The following CTNND2 variants were observed in gnomAD, a reference collection of about 807,000 sequenced individuals.
CTNND2 encodes the protein catenin delta 2.
CTNND2 carries 22 observed loss-of-function variants against 144.4 expected under a neutral mutation model. The ratio of observed to expected loss-of-function variants is 0.15; its 90% CI spans 0.11 to 0.22. The LOEUF is 0.22. CTNND2 is among the 10% of genes least tolerant of loss of function. The pLI, the probability that CTNND2 is intolerant of heterozygous loss-of-function variation, is 1.00. For synonymous variants in CTNND2, 751 were observed against 695.6 expected, an observed-to-expected ratio of 1.08 and a Z score of -1.25; for missense variants, 1,353 against 1,618.8, an observed-to-expected ratio of 0.84 and a Z score of 2.82.
At chr5:11,131,526 G>T (rs780360716) in intron 12 of CTNND2, among the ~76,000 whole-genome samples, 8 of 152,206 alleles carry the variant, frequency 5.3e-5, no homozygotes, top group African/African-American at 1.9e-4. Context: ...AGTGGCTCAC[G>T]CCTGCAATCC....
intron 11 of CTNND2, among the ~76,000 whole-genome samples, chr5:11,175,373 A>T (rs1018965): frequency 6.6e-5 from 10 of 152,016 alleles, no homozygotes; most frequent in South Asian, 2.1e-4. Context: ...AATCACCCAG[A>T]GATAATGAGA....
chr5:11,146,227 C>T (rs1479524810), intron 12 of CTNND2, among the ~76,000 whole-genome samples: 4 of 152,186 alleles, frequency 2.6e-5, no homozygotes, highest in African/African-American at 9.7e-5. Flanking sequence ...TGTTTGTGTG[C>T]AATAAGAGAT....
At chr5:11,755,022 G>T (rs146222260) in intron 1 of CTNND2, among the ~76,000 whole-genome samples, 16 of 151,770 alleles carry the variant, frequency 1.1e-4, no homozygotes, top group African/African-American at 3.1e-4. Flanking sequence ...TTGTGTGGTT[G>T]CTGTATAGTG....
intron 2 of CTNND2, among the ~76,000 whole-genome samples, chr5:11,715,974 G>A (rs953510344): frequency 4.6e-5 from 7 of 152,126 alleles, no homozygotes; most frequent in Non-Finnish European, 7.3e-5. Context: ...ACTCTCTATC[G>A]TAGACAAGCA....
chr5:11,071,221 G>C (rs927047376), intron 16 of CTNND2, among the ~76,000 whole-genome samples: 1 of 152,128 alleles, frequency 6.6e-6, no homozygotes, highest in African/African-American at 2.4e-5. Flanking sequence ...GCTCTTGGGG[G>C]CCTCAATAAA....
At chr5:11,800,973 A>C (rs112709441) in intron 1 of CTNND2, among the ~76,000 whole-genome samples, 45 of 152,284 alleles carry the variant, frequency 3.0e-4, no homozygotes, top group African/African-American at 1.1e-3. Context: ...GAGTTTCACG[A>C]CTGTTTTTCA....
chr5:11,761,597 T>TC (rs1789267383), intron 1 of CTNND2, among the ~76,000 whole-genome samples: 1 of 152,206 alleles, frequency 6.6e-6, no homozygotes, highest in Admixed American at 6.6e-5. Flanking sequence ...GATTTGAATT[T>TC]ATTGTATTTA....
intron 2 of CTNND2, among the ~76,000 whole-genome samples, chr5:11,727,858 T>C (rs187946143): frequency 6.6e-6 from 1 of 152,358 alleles, no homozygotes; most frequent in East Asian, 1.9e-4. Context: ...TATCAGAAAT[T>C]ATTGTTGCAC....
chr5:11,169,889 G>C (rs1392467551), intron 11 of CTNND2, among the ~76,000 whole-genome samples: 1 of 151,626 alleles, frequency 6.6e-6, no homozygotes, highest in African/African-American at 2.4e-5. Flanking sequence ...AGAGTAAAAA[G>C]AGCAACAGCT....
At chr5:11,830,185 G>A (rs931342060) in intron 1 of CTNND2, among the ~76,000 whole-genome samples, 1 of 152,206 alleles carries the variant, frequency 6.6e-6, no homozygotes, top group Non-Finnish European at 1.5e-5. Flanking sequence ...CCTTGCCTCA[G>A]ATGAGACTTT....
intron 1 of CTNND2, among the ~76,000 whole-genome samples, chr5:11,827,366 C>T (rs1793657672): frequency 6.6e-6 from 1 of 152,018 alleles, no homozygotes; most frequent in Non-Finnish European, 1.5e-5. Context: ...GGTAAGAAAG[C>T]CAGAAAGATT....
At chr5:11,385,329 G>T in intron 6 of CTNND2, 100 bp from the exon 7 acceptor site, 1 of 807,452 alleles carries the variant, frequency 1.2e-6, no homozygotes. Context: ...CACCGGGGAT[G>T]CCGCGGGCGC....
intron 8 of CTNND2, among the ~76,000 whole-genome samples, chr5:11,358,494 CTTA>C (rs1339827085): frequency 2.0e-5 from 3 of 152,126 alleles, no homozygotes; most frequent in African/African-American, 7.2e-5. Flanking sequence ...TATAGAGAAT[CTTA>C]TTTGACTTGC....
chr5:11,254,193 C>G (rs907533696), intron 9 of CTNND2, among the ~76,000 whole-genome samples: 6 of 152,136 alleles, frequency 3.9e-5, no homozygotes, highest in African/African-American at 1.4e-4. Flanking sequence ...CATTAGTAGT[C>G]AATCCACTTT....
At chr5:11,015,516 C>T (rs970110055) in intron 18 of CTNND2, among the ~76,000 whole-genome samples, 1 of 152,152 alleles carries the variant, frequency 6.6e-6, no homozygotes, top group African/African-American at 2.4e-5. Flanking sequence ...CCATTAAATT[C>T]CTGTCAACAC....
intron 3 of CTNND2, among the ~76,000 whole-genome samples, chr5:11,556,713 C>T (rs1776264680): frequency 1.3e-5 from 2 of 151,462 alleles, no homozygotes; most frequent in South Asian, 2.1e-4. Flanking sequence ...TCCTTTTGCC[C>T]CCTAATATCC....
At chr5:11,248,836 G>C (rs977047695) in intron 9 of CTNND2, among the ~76,000 whole-genome samples, 2 of 152,144 alleles carry the variant, frequency 1.3e-5, no homozygotes, top group Non-Finnish European at 2.9e-5. Flanking sequence ...ACGGTTTACC[G>C]GAGTCTAGTC....
intron 9 of CTNND2, among the ~76,000 whole-genome samples, chr5:11,244,695 T>C (rs1161376729): frequency 1.3e-5 from 2 of 152,216 alleles, no homozygotes; most frequent in Non-Finnish European, 2.9e-5. Flanking sequence ...TATACCATTT[T>C]TAAGGAAGAA....
At chr5:11,361,243 A>C (rs1444268501) in intron 8 of CTNND2, among the ~76,000 whole-genome samples, 2 of 152,068 alleles carry the variant, frequency 1.3e-5, no homozygotes, top group Non-Finnish European at 2.9e-5. Context: ...CTGGTCTCAA[A>C]CTCCTGACCT....
Sources: gnomAD v4.1 joint callset for allele counts (sites outside exome capture counted in the v4.1 genomes callset) on GRCh38, gnomAD v4.1.1 for gene constraint, MANE v1.5 for transcripts, NCBI Gene and HGNC (gene_info 2026-07-23, HGNC 2026-07-21) for gene names.